Variants in FA2H observed in about 807,000 individuals in gnomAD.
FA2H encodes the protein fatty acid alpha-hydroxylase.
Under a neutral mutation model 44.9 loss-of-function variants are expected in FA2H, and 22 were observed. The observed-to-expected ratio is 0.49, with a 90% CI of 0.35 to 0.70. The LOEUF (loss-of-function observed/expected upper bound fraction) is 0.70. Among genes scored for constraint, FA2H ranks in the 30% least tolerant of loss-of-function variants. FA2H has a pLI of 0.01. For synonymous variants in FA2H, 243 were observed against 213.2 expected (o/e 1.14, Z -1.22); for missense variants, 501 against 504.9 (o/e 0.99, Z 0.07).
intron 4 of FA2H, chr16:74,725,819 T>C (rs754575489): frequency 2.2e-5 from 7 of 316,384 alleles, no homozygotes; most frequent in Non-Finnish European, 4.3e-5. Flanking sequence ...TCTCTGCTAA[T>C]CTGTGCTGGG....
At chr16:74,742,944 T>C (rs188273898) in intron 1 of FA2H, among the ~76,000 whole-genome samples, 1 of 152,372 alleles carries the variant, frequency 6.6e-6, no homozygotes, top group East Asian at 1.9e-4. Flanking sequence ...TAAAAGGCAG[T>C]TCTTTCCAAG....
chr16:74,733,687 A>G (rs1311899755), intron 2 of FA2H, among the ~76,000 whole-genome samples: 1 of 152,216 alleles, frequency 6.6e-6, no homozygotes, highest in Non-Finnish European at 1.5e-5. Context: ...GGAGGACAGC[A>G]GACGATGACG....
intron 2 of FA2H, among the ~76,000 whole-genome samples, chr16:74,734,096 A>G (rs551973198): frequency 1.5e-3 from 221 of 152,072 alleles, no homozygotes; most frequent in African/African-American, 5.0e-3. Context: ...TCCGGGCCCC[A>G]TTTACTTCTT....
chr16:74,718,924 G>C, intron 5 of FA2H, 64 bp downstream of exon 5: 1 of 1,584,194 alleles, frequency 6.3e-7, no homozygotes, highest in Non-Finnish European at 8.6e-7. Context: ...TGAAGCTGCG[G>C]CTGGCTGCCG....
chr16:74,767,880 G>C (rs968174363), intron 1 of FA2H, among the ~76,000 whole-genome samples: 2 of 152,328 alleles, frequency 1.3e-5, no homozygotes, highest in East Asian at 3.9e-4. Flanking sequence ...GGTGAAGAAA[G>C]TGTACTGGAG....
At position 74,719,052 on chromosome 16, in the gene FA2H, T is replaced by G; in HGVS notation, c.722A>C (p.Lys241Thr). ...GAGGTAATAGCTGTCGCTGGGGGGCTTCATGTGGAACAGGAAGCGGTGGAT... is the reference window on the plus strand; with the variant it reads ...GAGGTAATAGCTGTCGCTGGGGGGCGTCATGTGGAACAGGAAGCGGTGGAT... ...YLIHRFLFHM[K>T]PPSDSYYLIM... Residue 241 changes from lysine to threonine, a missense_variant, in exon 5 of 7, where the codon AAG becomes ACG. Lys to Thr is a moderately conservative substitution (Grantham distance 78). Transcript: ENST00000219368. The G allele has an allele frequency of 1.2e-6, 2 of 1,613,902 alleles. No homozygotes were observed. The highest frequency in any genetic ancestry group is 1.7e-6 in the Non-Finnish European group (2 of 1,179,988).
rs1315869673 is a variant in FA2H, at chr16:74,740,096, G to T, written c.290C>A (p.Pro97His). Residue 97 changes from proline to histidine, a missense_variant, in exon 2 of 7, where the codon CCT becomes CAT. Coordinates refer to ENST00000219368, the MANE Select transcript of FA2H (RefSeq NM_024306.5). ...GEQQGSMENE[P>H]VALEETQKTD... ...CTTCTGAGTTTCCTCAAGGGCTACA[G>T]GCTCGTTCTCCATGGAGCCCTGGAA... 6.2e-7 allele frequency: 1 copy of T among 1,613,522 alleles called. No individual in the cohort carries two copies. Among genetic ancestry groups the T allele is most frequent in the African/African-American group, 1.3e-5 (1 of 74,894 alleles).
chr16:74,745,711 ACAACGC>A (rs1361001898), intron 1 of FA2H, among the ~76,000 whole-genome samples: 3 of 152,112 alleles, frequency 2.0e-5, no homozygotes, highest in Non-Finnish European at 2.9e-5. Context: ...TGCTCCCAGC[ACAACGC>A]CAATTCCTGG....
chr16:74,764,185 C>A (rs1419855940), intron 1 of FA2H, among the ~76,000 whole-genome samples: 1 of 152,108 alleles, frequency 6.6e-6, no homozygotes, highest in African/African-American at 2.4e-5. Flanking sequence ...GCCCACCTTA[C>A]AATACCATGT....
At chr16:74,739,942 G>A (rs1233725419) in intron 2 of FA2H, 81 bp downstream of exon 2, 17 of 1,081,250 alleles carry the variant, frequency 1.6e-5, no homozygotes, top group Non-Finnish European at 2.4e-5. Context: ...CCCACTCCCA[G>A]CTTTGGCTCC....
At chr16:74,758,061 G>C (rs186974318) in intron 1 of FA2H, among the ~76,000 whole-genome samples, 1 of 150,750 alleles carries the variant, frequency 6.6e-6, no homozygotes, top group South Asian at 2.1e-4. Context: ...ATCTCTGTGA[G>C]ATTACACAAA....
chr16:74,760,753 G>A (rs565650299), intron 1 of FA2H, among the ~76,000 whole-genome samples: 1 of 152,330 alleles, frequency 6.6e-6, no homozygotes, highest in Admixed American at 6.5e-5. Context: ...GATCAGAGGT[G>A]ACCTTGGATG....
chr16:74,733,787 G>A (rs764644046), intron 2 of FA2H, among the ~76,000 whole-genome samples: 19 of 152,312 alleles, frequency 1.2e-4, no homozygotes, highest in Admixed American at 4.6e-4. Context: ...TCATTGCCAT[G>A]GGGGTGGGCA....
intron 1 of FA2H, among the ~76,000 whole-genome samples, chr16:74,769,716 C>T (rs1962871320): frequency 1.3e-5 from 2 of 152,126 alleles, no homozygotes; most frequent in South Asian, 2.1e-4. Context: ...TGAAAAATGC[C>T]GGTCGCAGCT....
Position 74,774,778 on chromosome 16 carries a change from C to A in FA2H, c.-23G>T, listed in dbSNP as rs1445564714. On this transcript the variant is annotated 5_prime_UTR_variant, in exon 1 of 7. Coordinates refer to ENST00000219368, the MANE Select transcript of FA2H (RefSeq NM_024306.5). ...CATGGCCGGAGACCGCAGCTCCCAG[C>A]GCGCAGCCCGGCGTCTGCTCTGCTG... The A allele has an allele frequency of 2.3e-6, 3 of 1,279,326 alleles. No homozygotes were observed. Among genetic ancestry groups the A allele is most frequent in the Non-Finnish European group, 2.9e-6 (3 of 1,018,964 alleles). 79.2% of individuals were successfully genotyped at this position (1,279,326 alleles called of 1,614,324 possible). A position where few individuals can be genotyped will look rare whatever the true frequency, so the allele number is the denominator to read the frequency against.
intron 1 of FA2H, among the ~76,000 whole-genome samples, chr16:74,745,901 G>A (rs898645343): frequency 1.3e-5 from 2 of 148,506 alleles, no homozygotes; most frequent in African/African-American, 5.0e-5. Context: ...TGTGTCCTGA[G>A]TTCAAGCAAT....
intron 1 of FA2H, among the ~76,000 whole-genome samples, chr16:74,767,650 G>T (rs976158336): frequency 3.3e-5 from 5 of 152,174 alleles, no homozygotes; most frequent in Non-Finnish European, 5.9e-5. Context: ...CAAGAGCCAA[G>T]GAATGCAGGC....
intron 4 of FA2H, among the ~76,000 whole-genome samples, chr16:74,724,382 T>A (rs936192428): frequency 6.6e-6 from 1 of 152,230 alleles, no homozygotes; most frequent in Non-Finnish European, 1.5e-5. Context: ...ATCCTGAGTA[T>A]GCAGCGCCGC....
chr16:74,753,639 C>CTCCA (rs1354749642), intron 1 of FA2H, among the ~76,000 whole-genome samples: 4 of 152,072 alleles, frequency 2.6e-5, no homozygotes, highest in African/African-American at 9.7e-5. Flanking sequence ...CACCTCTGTA[C>CTCCA]TCCAGCCTGG....
Sources: allele counts gnomAD v4.1 joint callset (sites outside exome capture counted in the v4.1 genomes callset), GRCh38; gene constraint gnomAD v4.1.1; transcripts MANE v1.5; gene names NCBI Gene and HGNC (gene_info 2026-07-23, HGNC 2026-07-21).